The following TP63 variants were observed in gnomAD, a reference collection of about 807,000 sequenced individuals.
TP63 encodes tumor protein p63.
TP63 carries 17 observed loss-of-function variants against 82.8 expected under a neutral mutation model. The ratio of observed to expected loss-of-function variants is 0.21; its 90% confidence interval spans 0.14 to 0.31. The LOEUF (loss-of-function observed/expected upper bound fraction) is 0.31. TP63 is among the 10% of genes least tolerant of loss of function. The pLI is 1.00. For synonymous variants in TP63, 330 were observed against 321.7 expected, an observed-to-expected ratio of 1.03 and a Z score of -0.28; for missense variants, 648 against 895.3, an observed-to-expected ratio of 0.72 and a Z score of 3.52.
chr3:189,893,517 C>T (rs2108871054), intron 13 of TP63, among the ~76,000 whole-genome samples: 1 of 152,344 alleles, frequency 6.6e-6, no homozygotes, highest in East Asian at 1.9e-4. Context: ...GCAATGCCTT[C>T]TGCACCCATT....
At chr3:189,738,805 TG>T (rs1269715270) in intron 3 of TP63, 31 bp downstream of exon 3, 1 of 1,612,966 alleles carries the variant, frequency 6.2e-7, no homozygotes, top group African/African-American at 1.3e-5. Context: ...CTTCAGTCTT[TG>T]GGCCATGCTA....
chr3:189,811,561 G>A (rs781776709), intron 4 of TP63, among the ~76,000 whole-genome samples: 64 of 152,236 alleles, frequency 4.2e-4, no homozygotes, highest in Non-Finnish European at 6.8e-4. Flanking sequence ...TAAGTTCTTC[G>A]TCATGGATAC....
intron 4 of TP63, among the ~76,000 whole-genome samples, chr3:189,834,287 A>G (rs1209050948): frequency 6.6e-6 from 1 of 152,086 alleles, no homozygotes; most frequent in Non-Finnish European, 1.5e-5. Flanking sequence ...CAGGAAAATT[A>G]CTCACCTTAA....
At chr3:189,657,539 C>A (rs1713491050) in intron 1 of TP63, among the ~76,000 whole-genome samples, 1 of 152,150 alleles carries the variant, frequency 6.6e-6, no homozygotes, top group East Asian at 1.9e-4. Flanking sequence ...TTTGATGAAG[C>A]TTTTACCTGT....
chr3:189,729,343 G>A (rs1009276325), intron 1 of TP63, among the ~76,000 whole-genome samples: 2 of 152,128 alleles, frequency 1.3e-5, no homozygotes, highest in Non-Finnish European at 2.9e-5. Context: ...GGAGAAATTC[G>A]CGGTTGGACT....
chr3:189,745,249 T>C (rs1721277299), intron 3 of TP63, among the ~76,000 whole-genome samples: 1 of 152,068 alleles, frequency 6.6e-6, no homozygotes, highest in African/African-American at 2.4e-5. Flanking sequence ...AGGAACACAA[T>C]AATTCTCCAG....
At chr3:189,806,531 C>T (rs372583108) in intron 3 of TP63, among the ~76,000 whole-genome samples, 13 of 152,158 alleles carry the variant, frequency 8.5e-5, no homozygotes, top group Admixed American at 3.3e-4. Flanking sequence ...TTAGTTCAGC[C>T]GGGGTATGGA....
At chr3:189,738,798 C>G in intron 3 of TP63, 24 bp downstream of exon 3, 1 of 1,613,484 alleles carries the variant, frequency 6.2e-7, no homozygotes, top group East Asian at 2.2e-5. Flanking sequence ...GCTTTCTCTT[C>G]AGTCTTTGGG....
intron 1 of TP63, among the ~76,000 whole-genome samples, chr3:189,726,985 C>T (rs1719823555): frequency 6.6e-6 from 1 of 152,150 alleles, no homozygotes; most frequent in Non-Finnish European, 1.5e-5. Context: ...CAGCCATATA[C>T]CAACACCTAA....
In TP63 at chr3:189,807,190, C is replaced by T. The variant is rs563466599; in HGVS notation, c.325-1082C>T. The stretch of plus-strand genomic sequence containing the variant: ...GGTTGCCCCTTTGTTCATTTTGGCT[C>T]AGGTTTAGAAATGATGATAGGCTGA... On this transcript the variant is annotated intron_variant, in intron 3 of 13. Coordinates refer to ENST00000264731, the MANE Select transcript of TP63 (RefSeq NM_003722.5). Among the ~76,000 whole-genome samples the T allele has an allele frequency of 2.6e-5, 4 of 152,256 alleles. No individual in the cohort carries two copies. The South Asian group carries it at 6.2e-4, about 24-fold the overall frequency.
At chr3:189,803,737 G>C (rs961894383) in intron 3 of TP63, among the ~76,000 whole-genome samples, 11 of 152,118 alleles carry the variant, frequency 7.2e-5, no homozygotes, top group Non-Finnish European at 1.3e-4. Flanking sequence ...AAATTTTCCA[G>C]GGTCCAAACA....
At chr3:189,856,462 A>G (rs529682759) in intron 4 of TP63, among the ~76,000 whole-genome samples, 2 of 152,108 alleles carry the variant, frequency 1.3e-5, no homozygotes, top group Non-Finnish European at 2.9e-5. Flanking sequence ...TCTAAAATGA[A>G]TGATATATGA....
Position 189,700,172 on chromosome 3 carries a change from T to G in TP63, c.63-37568T>G, listed in dbSNP as rs1262371422. Among the ~76,000 whole-genome samples, 6 of 152,146 alleles carry G rather than the reference T, an allele frequency of 3.9e-5. No homozygotes were observed. The East Asian group carries it at 1.2e-3, about 29-fold the overall frequency. ...TGAGGTTAAATGCCTTCCCAGAGGC[T>G]CCTAAAGATGATCATTTTGATTTTT... is the stretch of plus-strand genomic sequence containing the variant. On this transcript the variant is annotated intron_variant, in intron 1 of 13. Coordinates refer to ENST00000264731, the MANE Select transcript of TP63 (RefSeq NM_003722.5).
At chr3:189,673,446 A>C (rs1189431792) in intron 1 of TP63, among the ~76,000 whole-genome samples, 1 of 152,168 alleles carries the variant, frequency 6.6e-6, no homozygotes, top group Non-Finnish European at 1.5e-5. Flanking sequence ...GATTGGAAAT[A>C]TATAAAGTAA....
At chr3:189,839,059 AAAAAAG>A (rs1560240623) in intron 4 of TP63, among the ~76,000 whole-genome samples, 5 of 136,698 alleles carry the variant, frequency 3.7e-5, no homozygotes, top group East Asian at 2.0e-4. Flanking sequence ...AAAAAAAAAA[AAAAAAG>A]AAAAAGAAAA....
At chr3:189,713,791 G>A (rs1718768023) in intron 1 of TP63, among the ~76,000 whole-genome samples, 1 of 151,738 alleles carries the variant, frequency 6.6e-6, no homozygotes, top group South Asian at 2.1e-4. Context: ...TATAATTGAT[G>A]CTTTTATAAC....
At chr3:189,689,133 T>TTTTTTTTTTTTTG (rs1716705999) in intron 1 of TP63, among the ~76,000 whole-genome samples, 1 of 119,110 alleles carries the variant, frequency 8.4e-6, no homozygotes, top group African/African-American at 3.5e-5. Context: ...TTTTTTTTTT[T>TTTTTTTTTTTTTG]TGAGACGGAG....
intron 1 of TP63, among the ~76,000 whole-genome samples, chr3:189,710,780 T>G (rs1258436260): frequency 6.6e-6 from 1 of 152,162 alleles, no homozygotes; most frequent in Non-Finnish European, 1.5e-5. Context: ...TTGCCAGATT[T>G]CCTGCTGGCC....
chr3:189,786,992 T>A (rs1169401020), intron 3 of TP63, among the ~76,000 whole-genome samples: 1 of 152,092 alleles, frequency 6.6e-6, no homozygotes, highest in Non-Finnish European at 1.5e-5. Flanking sequence ...TTACATCAGC[T>A]ACTCACTAAT....
Sources: allele counts gnomAD v4.1 joint callset (sites outside exome capture counted in the v4.1 genomes callset), GRCh38; gene constraint gnomAD v4.1.1; transcripts MANE v1.5; gene names NCBI Gene and HGNC (gene_info 2026-07-23, HGNC 2026-07-21).